PCDH7: variants seen among roughly 807,000 people sequenced by gnomAD.
The protein encoded by PCDH7 is protocadherin 7, also known as protocadherin-7.
In PCDH7, 17 loss-of-function variants were observed where a neutral mutation model predicts 58.9. That is an observed-to-expected ratio of 0.29 (90% CI 0.20 to 0.43). The LOEUF (loss-of-function observed/expected upper bound fraction) is 0.43. Ranked by LOEUF, PCDH7 falls within the 20% of genes least tolerant of loss-of-function variation. The pLI is 1.00. For missense variants in PCDH7, 1,274 were observed against 1,441.0 expected (o/e 0.88, Z 1.88); for synonymous variants, 664 against 616.4 (o/e 1.08, Z -1.14).
intron 1 of PCDH7, among the ~76,000 whole-genome samples, chr4:30,903,759 C>T (rs1740528001): frequency 6.6e-6 from 1 of 152,040 alleles, no homozygotes; most frequent in Admixed American, 6.6e-5. Context: ...TATTAGTTAT[C>T]TGAAAAGAGA....
intron 1 of PCDH7, among the ~76,000 whole-genome samples, chr4:30,858,461 C>T (rs1362197633): frequency 1.3e-5 from 2 of 151,932 alleles, no homozygotes; most frequent in Non-Finnish European, 2.9e-5. Context: ...TTTTGTTTTG[C>T]TAGCATAAGT....
At chr4:31,080,471 T>C (rs991257174) in intron 3 of PCDH7, among the ~76,000 whole-genome samples, 26 of 152,166 alleles carry the variant, frequency 1.7e-4, no homozygotes, top group African/African-American at 6.3e-4. Context: ...AAAAAGTCAT[T>C]AGTGAGTTGA....
chr4:30,905,851 T>TTAGA (rs1243673077), intron 1 of PCDH7, among the ~76,000 whole-genome samples: 1 of 152,206 alleles, frequency 6.6e-6, no homozygotes, highest in Non-Finnish European at 1.5e-5. Context: ...TCCTCTGCTA[T>TTAGA]TAGAATTATA....
intron 3 of PCDH7, among the ~76,000 whole-genome samples, chr4:30,964,067 T>C (rs1447632614): frequency 6.6e-6 from 1 of 152,272 alleles, no homozygotes; most frequent in East Asian, 1.9e-4. Flanking sequence ...CTATTGGCAT[T>C]GAACTGTCTT....
chr4:30,733,542 C>T (rs1190892936), downstream of PCDH7, among the ~76,000 whole-genome samples: 3 of 152,176 alleles, frequency 2.0e-5, no homozygotes, highest in East Asian at 5.8e-4. Context: ...ATCCTTCTCC[C>T]TCAGCCTCTG....
intron 2 of PCDH7, among the ~76,000 whole-genome samples, chr4:30,949,293 A>T (rs894657537): frequency 6.6e-6 from 1 of 152,186 alleles, no homozygotes; most frequent in Non-Finnish European, 1.5e-5. Context: ...AAATATAAAC[A>T]TACAAAGTTA....
At chr4:30,725,807 A>C (rs990729626) in intron 1 of PCDH7, among the ~76,000 whole-genome samples, 4 of 152,128 alleles carry the variant, frequency 2.6e-5, no homozygotes, top group Non-Finnish European at 4.4e-5. Context: ...AGCCTCATTG[A>C]AGATTATAGT....
Position 31,055,831 on chromosome 4 carries a change from C to A in PCDH7, c.*8-86642C>A, listed in dbSNP as rs537466737. 2.6e-5 allele frequency among the ~76,000 whole-genome samples: 4 copies of A among 152,158 alleles called. No homozygotes were observed. The East Asian group carries it at 5.8e-4, about 22-fold the overall frequency. ...ACCTCAAATGATCCACCCACCTCGG[C>A]CTCCCAAAGTGCTAGGATTACAGGC... On this transcript the variant is annotated intron_variant, in intron 3 of 3. Coordinates refer to the PCDH7 transcript ENST00000509759.
At position 30,722,017 on chromosome 4, in the gene PCDH7, G is replaced by C. The variant is rs1465670488; in HGVS notation, c.595G>C (p.Gly199Arg). The change falls in exon 1 of 2, where the codon GGG becomes CGG. Residue 199 changes from glycine (G) to arginine (R), a missense_variant. Gly to Arg is a moderately radical substitution (Grantham distance 125). This residue lies in a region of PCDH7 where 331 missense variants were observed against 303.2 expected (regional missense o/e 1.09). Coordinates refer to ENST00000361762, the Ensembl canonical transcript of PCDH7. The surrounding 1 kb of genome is among the most constrained non-coding windows in gnomAD (Gnocchi z 7.6). The stretch of plus-strand genomic sequence containing the variant: ...CAGCGGCGGCGAGAGCCGGCGCGCC[G>C]GGGCGGCCGACAGCGCCCCCTACCC... 8 of 1,260,258 alleles carry C rather than the reference G, an allele frequency of 6.3e-6. No individual in the cohort carries two copies. Among genetic ancestry groups the C allele is most frequent in the African/African-American group, 1.6e-5 (1 of 64,080 alleles). 78.1% of individuals were successfully genotyped at this position (1,260,258 alleles called of 1,614,324 possible). A position where few individuals can be genotyped will look rare whatever the true frequency, so the allele number is the denominator to read the frequency against.
intron 1 of PCDH7, among the ~76,000 whole-genome samples, chr4:30,893,908 T>C (rs1738937483): frequency 6.6e-6 from 1 of 152,108 alleles, no homozygotes; most frequent in South Asian, 2.1e-4. Context: ...AATGTTAGAT[T>C]ATCCTCACAA....
chr4:30,970,346 G>A (rs987930339), intron 3 of PCDH7, among the ~76,000 whole-genome samples: 3 of 151,276 alleles, frequency 2.0e-5, no homozygotes, highest in African/African-American at 7.3e-5. Context: ...CCAGGCTGGA[G>A]TGCAGTGGCA....
intron 1 of PCDH7, among the ~76,000 whole-genome samples, chr4:30,911,301 G>T (rs1340522472): frequency 7.0e-6 from 1 of 142,606 alleles, no homozygotes; most frequent in African/African-American, 2.7e-5. Flanking sequence ...AGAACTTAAG[G>T]TATATTAAAA....
chr4:31,102,054 A>T (rs1714960040), intron 3 of PCDH7, among the ~76,000 whole-genome samples: 1 of 152,230 alleles, frequency 6.6e-6, no homozygotes, highest in African/African-American at 2.4e-5. Flanking sequence ...TTCCAGTAAC[A>T]GAGAGTGATT....
chr4:30,733,926 A>G (rs1715877400), downstream of PCDH7, among the ~76,000 whole-genome samples: 1 of 152,338 alleles, frequency 6.6e-6, no homozygotes, highest in East Asian at 1.9e-4. Flanking sequence ...ATACTACTAA[A>G]AAATCATGCT....
At chr4:31,118,145 A>G (rs542869341) in intron 3 of PCDH7, among the ~76,000 whole-genome samples, 1 of 152,276 alleles carries the variant, frequency 6.6e-6, no homozygotes, top group Admixed American at 6.5e-5. Flanking sequence ...TCTGAGTGCA[A>G]AATTCTGCAT....
intron 3 of PCDH7, among the ~76,000 whole-genome samples, chr4:31,116,284 C>A (rs1375823405): frequency 6.6e-6 from 1 of 152,188 alleles, no homozygotes; most frequent in Non-Finnish European, 1.5e-5. Flanking sequence ...CTTTAGTTTA[C>A]CAAAAGTGGA....
At chr4:30,943,467 T>C (rs1746298493) in intron 2 of PCDH7, among the ~76,000 whole-genome samples, 1 of 152,140 alleles carries the variant, frequency 6.6e-6, no homozygotes, top group African/African-American at 2.4e-5. Context: ...AGCCAGTGAG[T>C]GGCTGAAATG....
intron 3 of PCDH7, among the ~76,000 whole-genome samples, chr4:31,018,919 C>G (rs1467079348): frequency 6.6e-6 from 1 of 152,020 alleles, no homozygotes; most frequent in Admixed American, 6.6e-5. Flanking sequence ...ACATAACTAG[C>G]AAAAGTGAAA....
At chr4:31,015,314 AG>A (rs1264972226) in intron 3 of PCDH7, among the ~76,000 whole-genome samples, 2 of 152,190 alleles carry the variant, frequency 1.3e-5, no homozygotes, top group Admixed American at 6.5e-5. Flanking sequence ...TGAAATGCCA[AG>A]TCCATGACAG....
Sources: gnomAD v4.1 joint callset for allele counts (sites outside exome capture counted in the v4.1 genomes callset) on GRCh38, gnomAD v4.1.1 for gene constraint, gnomAD v4.1.1 regional missense constraint, Gnocchi (gnomAD v3.1) non-coding constraint, MANE v1.5 for transcripts, NCBI Gene and HGNC (gene_info 2026-07-23, HGNC 2026-07-21) for gene names.